The following LPP variants were observed in gnomAD, a reference collection of about 807,000 sequenced individuals.
The protein encoded by LPP is lipoma-preferred partner.
Under a neutral mutation model 60.4 loss-of-function variants are expected in LPP, and 38 were observed. The ratio of observed to expected loss-of-function variants is 0.63; its 90% CI spans 0.49 to 0.83. The LOEUF is 0.83. Among genes scored for constraint, LPP ranks in the 40% least tolerant of loss-of-function variants. LPP has a pLI of 0.00. For missense variants in LPP, 902 were observed against 783.6 expected (o/e 1.15, Z -1.80); for synonymous variants, 328 against 290.8 (o/e 1.13, Z -1.30).
chr3:188,203,672 G>C (rs1408261895), intron 1 of LPP, among the ~76,000 whole-genome samples: 2 of 141,712 alleles, frequency 1.4e-5, no homozygotes. Flanking sequence ...GTAGAGAGAA[G>C]ATCTCGCTAT....
At chr3:188,871,582 T>C (rs1402787361) in intron 10 of LPP, among the ~76,000 whole-genome samples, 2 of 152,226 alleles carry the variant, frequency 1.3e-5, no homozygotes, top group East Asian at 3.8e-4. Flanking sequence ...CATTATTTCT[T>C]TTTAAGTCTC....
chr3:188,643,618 T>C (rs965968332), intron 7 of LPP, among the ~76,000 whole-genome samples: 1 of 151,908 alleles, frequency 6.6e-6, no homozygotes, highest in African/African-American at 2.4e-5. Context: ...AACCCAGGAG[T>C]ATAGATGTGA....
At chr3:188,228,982 C>T (rs1285768031) in intron 2 of LPP, among the ~76,000 whole-genome samples, 1 of 152,188 alleles carries the variant, frequency 6.6e-6, no homozygotes, top group East Asian at 1.9e-4. Context: ...GTTCAGTGCA[C>T]AGCATCGGGA....
intron 6 of LPP, among the ~76,000 whole-genome samples, chr3:188,592,459 A>C (rs1458832388): frequency 6.6e-6 from 1 of 151,920 alleles, no homozygotes; most frequent in Non-Finnish European, 1.5e-5. Flanking sequence ...AGTTGTTATC[A>C]CTAAAGTTTT....
chr3:188,369,894 G>A (rs1214512054), intron 3 of LPP, among the ~76,000 whole-genome samples: 1 of 152,126 alleles, frequency 6.6e-6, no homozygotes, highest in African/African-American at 2.4e-5. Flanking sequence ...TTGTCAGGCA[G>A]TCATTGGCCC....
At chr3:188,792,866 G>A (rs570527597) in intron 9 of LPP, among the ~76,000 whole-genome samples, 1 of 152,202 alleles carries the variant, frequency 6.6e-6, no homozygotes, top group East Asian at 1.9e-4. Flanking sequence ...GAGAGTATGA[G>A]GTTAAGATGA....
Position 188,223,874 on chromosome 3 carries a change from A to G in LPP, c.-189-1531A>G, listed in dbSNP as rs116705396. ...CCCATTTCTCAGTAAGTTTGAAATTATGCCTCTCTCTCCTTTCAGTGGAAA... is the reference window on the plus strand; with the variant it reads ...CCCATTTCTCAGTAAGTTTGAAATTGTGCCTCTCTCTCCTTTCAGTGGAAA... On this transcript the variant is annotated intron_variant, in intron 1 of 11. Coordinates refer to ENST00000617246, the MANE Select transcript of LPP (RefSeq NM_001375462.1). 6.8e-3 allele frequency among the ~76,000 whole-genome samples: 1,036 copies of G among 152,268 alleles called. 16 individuals are homozygous for G. Among genetic ancestry groups the G allele is most frequent in the African/African-American group, 0.024 (1,008 of 41,556 alleles).
intron 4 of LPP, among the ~76,000 whole-genome samples, chr3:188,471,650 G>A (rs1801879708): frequency 1.3e-5 from 2 of 152,312 alleles, no homozygotes; most frequent in South Asian, 2.1e-4. Context: ...TGAGCACTGA[G>A]CTAGAGGTTC....
At chr3:188,360,034 C>A (rs1768806375) in intron 3 of LPP, among the ~76,000 whole-genome samples, 1 of 152,108 alleles carries the variant, frequency 6.6e-6, no homozygotes, top group African/African-American at 2.4e-5. Context: ...TCTTTTTCAA[C>A]CCATTATTTT....
At chr3:188,429,888 G>C (rs564325525) in intron 4 of LPP, among the ~76,000 whole-genome samples, 76 of 152,276 alleles carry the variant, frequency 5.0e-4, no homozygotes, top group African/African-American at 1.8e-3. Flanking sequence ...TTGCCAGGAA[G>C]CACCTTCACA....
intron 8 of LPP, among the ~76,000 whole-genome samples, chr3:188,724,492 C>T (rs1317767772): frequency 2.0e-5 from 3 of 152,192 alleles, no homozygotes; most frequent in African/African-American, 7.2e-5. Flanking sequence ...TACAGGTACA[C>T]CATCTCTTTG....
rs1025688377 is a variant in LPP, at chr3:188,833,734, G to A, written c.1411-32466G>A. Among the ~76,000 whole-genome samples, 13 of 151,828 alleles carry A rather than the reference G, an allele frequency of 8.6e-5. No homozygotes were observed. The Middle Eastern group carries it at 0.014, about 159-fold the overall frequency. On this transcript the variant is annotated intron_variant, in intron 9 of 11. Transcript: ENST00000617246. The stretch of plus-strand genomic sequence containing the variant: ...TTCTTTAGAGTTTCCCTACAACCAC[G>A]AACCACCAAGAATTAAATTAATCCC...
chr3:188,431,339 A>G (rs1403407371), intron 4 of LPP, among the ~76,000 whole-genome samples: 1 of 152,154 alleles, frequency 6.6e-6, no homozygotes, highest in Non-Finnish European at 1.5e-5. Context: ...TGGAAGGATG[A>G]AAGACGTGTA....
intron 8 of LPP, among the ~76,000 whole-genome samples, chr3:188,720,506 G>C (rs1187726910): frequency 6.6e-6 from 1 of 151,712 alleles, no homozygotes; most frequent in Non-Finnish European, 1.5e-5. Context: ...ACATCTTCCT[G>C]GTGTGTGAAG....
chr3:188,359,406 C>G (rs1768582915), intron 3 of LPP, among the ~76,000 whole-genome samples: 1 of 152,192 alleles, frequency 6.6e-6, no homozygotes, highest in Non-Finnish European at 1.5e-5. Context: ...CACAAGAACT[C>G]TAGCTGGCTG....
intron 1 of LPP, among the ~76,000 whole-genome samples, chr3:188,223,656 C>T (rs1215067622): frequency 6.6e-6 from 1 of 152,176 alleles, no homozygotes; most frequent in Non-Finnish European, 1.5e-5. Flanking sequence ...AGAGCTCTTC[C>T]TTTCAGTGAA....
Position 188,267,246 on chromosome 3 carries a change from C to G in LPP, c.-67+41719C>G, listed in dbSNP as rs558718858. Among the ~76,000 whole-genome samples, 17 of 152,292 alleles carry G rather than the reference C, an allele frequency of 1.1e-4. No individual in the cohort carries two copies. In the East Asian group the frequency reaches 2.9e-3, roughly 26 times the overall value. On this transcript the variant is annotated intron_variant, in intron 2 of 11. Coordinates refer to ENST00000617246, the MANE Select transcript of LPP (RefSeq NM_001375462.1). ...GGCTTTTGAGAGGCTCAGCTGACCT[C>G]GCTCACTGCTGTGCATGCTCTCTGG...
intron 4 of LPP, among the ~76,000 whole-genome samples, chr3:188,431,927 T>G (rs551640878): frequency 3.3e-4 from 50 of 152,306 alleles, no homozygotes; most frequent in African/African-American, 1.2e-3. Flanking sequence ...CCTCAGTATA[T>G]TCCTCTGACA....
chr3:188,538,879 G>A (rs190293936), intron 6 of LPP, among the ~76,000 whole-genome samples: 90 of 152,156 alleles, frequency 5.9e-4, no homozygotes, highest in African/African-American at 2.1e-3. Context: ...AACATGCTAC[G>A]ATATGGATGA....
Sources: allele counts gnomAD v4.1 joint callset (sites outside exome capture counted in the v4.1 genomes callset), GRCh38; gene constraint gnomAD v4.1.1; transcripts MANE v1.5; gene names NCBI Gene and HGNC (gene_info 2026-07-23, HGNC 2026-07-21).